CYGB: variants seen among roughly 807,000 people sequenced by gnomAD.
CYGB encodes cytoglobin, also known as histoglobin.
CYGB carries 13 observed loss-of-function variants against 20.7 expected under a neutral mutation model. That is an observed-to-expected ratio of 0.63 (90% CI 0.41 to 1.00). The LOEUF is 1.00. Among genes scored for constraint, CYGB ranks in the 50% least tolerant of loss-of-function variants. The pLI is 0.00. For missense variants in CYGB, 218 were observed against 257.2 expected (o/e 0.85, Z 1.04); for synonymous variants, 93 against 107.4 (o/e 0.87, Z 0.83).
In CYGB at chr17:76,531,312, C is replaced by T. The variant is rs1464242114; in HGVS notation, c.375+148G>A. ...AAGGGTTGCCCTGGACCCAGCCCCT[C>T]CATCCTGCTGCCGGGCACTGCCCCT... On this transcript the variant is annotated intron_variant, in intron 2 of 3. Coordinates refer to ENST00000293230, the MANE Select transcript of CYGB (RefSeq NM_134268.5). This position sits in a 1 kb window ranked among gnomAD's most constrained non-coding sequence, Gnocchi z 7.4. The T allele has an allele frequency of 2.5e-5, 30 of 1,205,414 alleles. No homozygotes were observed. In the South Asian group the frequency reaches 4.2e-4, roughly 17 times the overall value. 74.7% of individuals were successfully genotyped at this position (1,205,414 alleles called of 1,614,324 possible).
chr17:76,539,654 C>T (rs964550292), upstream of CYGB, among the ~76,000 whole-genome samples: 1 of 152,214 alleles, frequency 6.6e-6, no homozygotes, highest in Admixed American at 6.5e-5. Flanking sequence ...GCTTTCATGT[C>T]AGTAGCTTCG....
At chr17:76,547,830 AC>A (rs2075068089) in intron 1 of CYGB, among the ~76,000 whole-genome samples, 1 of 137,710 alleles carries the variant, frequency 7.3e-6, no homozygotes, top group African/African-American at 3.3e-5. Flanking sequence ...ACACACACAC[AC>A]AACACACATT....
chr17:76,531,033 A>T lies in CYGB; in HGVS notation c.485T>A (p.Val162Glu), dbSNP rs1324552357. 3 of 1,613,420 alleles carry T rather than the reference A, an allele frequency of 1.9e-6. No homozygotes were observed. Among genetic ancestry groups the T allele is most frequent in the Non-Finnish European group, 2.5e-6 (3 of 1,179,862 alleles). The change falls in exon 3 of 4, where the codon GTG becomes GAG. Residue 162 changes from valine to glutamate, a missense_variant. Val to Glu is a moderately radical substitution (Grantham distance 121, BLOSUM62 -2). Coordinates refer to ENST00000293230, the MANE Select transcript of CYGB (RefSeq NM_134268.5). This position sits in a 1 kb window ranked among gnomAD's most constrained non-coding sequence, Gnocchi z 7.4. ...GCCCACTTCCTTGTAGGCAGCGGTC[A>T]CGTGGCTGTAGATGAGGCCACGCAG... ...AKLRGLIYSH[V>E]TAAYKEVGWV...
Position 76,528,364 on chromosome 17 carries a change from G to GC in CYGB, c.*213dup. The GC allele has an allele frequency of 2.4e-6, 1 of 417,750 alleles. No homozygotes were observed. Among genetic ancestry groups the GC allele is most frequent in the East Asian group, 3.6e-5 (1 of 28,148 alleles). The allele number at this position is 417,750 out of a possible 1,614,324, so 25.9% of individuals were successfully genotyped here. On this transcript the variant is annotated 3_prime_UTR_variant, in exon 4 of 4. Coordinates refer to ENST00000293230, the MANE Select transcript of CYGB (RefSeq NM_134268.5). This position sits in a 1 kb window ranked among gnomAD's most constrained non-coding sequence, Gnocchi z 5.8. ...AGCTAAGAAGAGTGGGCCCCGCTCT[G>GC]CCCGCCGCGCTGGGGTCAGCATCCA...
intron 1 of CYGB, among the ~76,000 whole-genome samples, chr17:76,536,295 A>G (rs2074913010): frequency 6.6e-6 from 1 of 152,088 alleles, no homozygotes; most frequent in African/African-American, 2.4e-5. Context: ...GGCTTGGGAG[A>G]GGCCACAGGG....
At position 76,530,800 on chromosome 17, in the gene CYGB, C is replaced by CTT. The variant is rs1474585411; in HGVS notation, c.539+178_539+179insAA. 2.6e-5 allele frequency among the ~76,000 whole-genome samples: 4 copies of CTT among 152,028 alleles called. No homozygotes were observed. The highest frequency in any genetic ancestry group is 9.7e-5 in the African/African-American group (4 of 41,346). ...TGAGCAGCCTGAAGTCACAGGGGAG[C>CTT]CATCTTGAAGGCCTTTCCTATTATG... is the stretch of plus-strand genomic sequence containing the variant. On this transcript the variant is annotated intron_variant, in intron 3 of 3. Transcript: ENST00000293230. This position sits in a 1 kb window ranked among gnomAD's most constrained non-coding sequence, Gnocchi z 6.1.
chr17:76,531,234 A>G lies in CYGB; in HGVS notation c.376-92T>C. On this transcript the variant is annotated intron_variant, in intron 2 of 3. Transcript: ENST00000293230. The surrounding 1 kb of genome is among the most constrained non-coding windows in gnomAD (Gnocchi z 7.4). The stretch of plus-strand genomic sequence containing the variant: ...CTCCGCCCCACGTGTGGCCGAGAGG[A>G]TCATTCCTAACGCAACAGTCTGGCA... The G allele has an allele frequency of 7.2e-7, 1 of 1,395,922 alleles. No homozygotes were observed. 86.5% of individuals were successfully genotyped at this position (1,395,922 alleles called of 1,614,324 possible). A position where few individuals can be genotyped will look rare whatever the true frequency, so the allele number is the denominator to read the frequency against.
chr17:76,539,961 TA>T, upstream of CYGB: 2 of 641,248 alleles, frequency 3.1e-6, no homozygotes, highest in Non-Finnish European at 5.5e-6. Context: ...CCAGTGAGCT[TA>T]ATCAGTCCTC....
At position 76,537,676 on chromosome 17, in the gene CYGB, G is replaced by T; in HGVS notation, c.-134C>A. The T allele has an allele frequency of 1.2e-6, 1 of 821,176 alleles. No individual in the cohort carries two copies. Among genetic ancestry groups the T allele is most frequent in the Non-Finnish European group, 1.5e-6 (1 of 681,136 alleles). The allele number at this position is 821,176 out of a possible 1,614,324, so 50.9% of individuals were successfully genotyped here. On this transcript the variant is annotated 5_prime_UTR_variant, in exon 1 of 4. Transcript: ENST00000293230. ...GGCGAGGGGTAGAGCGCGGAGGGAG[G>T]GAGCGTGTGTCTGTGCGCGCCGGGT...
chr17:76,541,263 G>C (rs2143151953), upstream of CYGB, among the ~76,000 whole-genome samples: 2 of 152,336 alleles, frequency 1.3e-5, no homozygotes, highest in South Asian at 2.1e-4. Flanking sequence ...CCATGCATGA[G>C]GGGTTCCTTC....
upstream of CYGB, chr17:76,542,673 G>A: frequency 7.4e-7 from 1 of 1,344,968 alleles, no homozygotes; most frequent in Non-Finnish European, 1.1e-6. Context: ...AGAGGGCAAG[G>A]CTTGGGACAG....
At chr17:76,537,976 G>A (rs1567909568), upstream of CYGB, 1 of 151,236 alleles carries the variant, frequency 6.6e-6, no homozygotes, top group Non-Finnish European at 1.5e-5. Context: ...GGGGGTCCCG[G>A]GAGGAATGGG....
upstream of CYGB, chr17:76,540,270 G>GGGGGGGGGGGGGGGGGGGGGC: frequency 9.7e-7 from 1 of 1,026,284 alleles, no homozygotes; most frequent in Non-Finnish European, 1.5e-6. This position sits in a 1 kb window ranked among gnomAD's most constrained non-coding sequence, Gnocchi z 5.0. Context: ...GGGGCATGGG[G>GGGGGGGGGGGGGGGGGGGGGC]CTGGGCTGCC....
At chr17:76,540,529 A>G (rs760532713), upstream of CYGB, 1 of 1,613,536 alleles carries the variant, frequency 6.2e-7, no homozygotes, top group Admixed American at 1.7e-5. This position sits in a 1 kb window ranked among gnomAD's most constrained non-coding sequence, Gnocchi z 5.0. Flanking sequence ...TGGATGGGGC[A>G]GCTAGGGGCA....
At chr17:76,543,935 A>G (rs530722974) in intron 1 of CYGB, 2 of 469,962 alleles carry the variant, frequency 4.3e-6, no homozygotes, top group South Asian at 1.5e-5. Context: ...TGTTTTCTGT[A>G]TGTGTGCAAG....
Position 76,533,083 on chromosome 17 carries a change from C to T in CYGB, c.144-1392G>A, listed in dbSNP as rs923195584. Among the ~76,000 whole-genome samples, 5 of 152,144 alleles carry T rather than the reference C, an allele frequency of 3.3e-5. No homozygotes were observed. The highest frequency in any genetic ancestry group is 6.5e-5 in the Admixed American group (1 of 15,278). ...TCAGATGTGAGGGCTGGAACAGATG[C>T]GGAGAGGGCATCTGGCCGGGTCATC... On this transcript the variant is annotated intron_variant, in intron 1 of 3. Transcript: ENST00000293230. This position sits in a 1 kb window ranked among gnomAD's most constrained non-coding sequence, Gnocchi z 4.5.
Position 76,531,161 on chromosome 17 carries a change from AG to A in CYGB, c.376-20del. On this transcript the variant is annotated intron_variant, in intron 2 of 3. Coordinates refer to ENST00000293230, the MANE Select transcript of CYGB (RefSeq NM_134268.5). The surrounding 1 kb of genome is among the most constrained non-coding windows in gnomAD (Gnocchi z 7.4). Reference sequence around the variant, plus strand: ...AGAGGATCTGGGGGCAAAGGGAGGAAGGGGGAGTGAACGCCCGGGCGCCCTG... The same window carrying A: ...AGAGGATCTGGGGGCAAAGGGAGGAAGGGGAGTGAACGCCCGGGCGCCCTG... The A allele has an allele frequency of 6.2e-7, 1 of 1,607,330 alleles. No individual in the cohort carries two copies. Among genetic ancestry groups the A allele is most frequent in the South Asian group, 1.1e-5 (1 of 90,896 alleles).
Position 76,528,429 on chromosome 17 carries a change from C to T in CYGB, c.*149G>A. ...CCTCCCAGCAGCTCCAGGGGGGGAC[C>T]CTGGCCGCCACAGAGGCCTCCTTCG... On this transcript the variant is annotated 3_prime_UTR_variant, in exon 4 of 4. Transcript: ENST00000293230. This position sits in a 1 kb window ranked among gnomAD's most constrained non-coding sequence, Gnocchi z 5.8. The T allele has an allele frequency of 2.1e-5, 15 of 724,112 alleles. No homozygotes were observed. The highest frequency in any genetic ancestry group is 2.7e-5 in the Non-Finnish European group (14 of 514,728). The allele number at this position is 724,112 out of a possible 1,614,324, so 44.9% of individuals were successfully genotyped here.
At chr17:76,545,046 C>T (rs747193845) in intron 1 of CYGB, 39 of 436,616 alleles carry the variant, frequency 8.9e-5, no homozygotes, top group Non-Finnish European at 1.6e-4. Flanking sequence ...GCTGGGGTGC[C>T]ATGTGGGCCG....
Sources: allele counts gnomAD v4.1 joint callset (sites outside exome capture counted in the v4.1 genomes callset), GRCh38; gene constraint gnomAD v4.1.1; non-coding constraint Gnocchi (gnomAD v3.1); transcripts MANE v1.5; gene names NCBI Gene and HGNC (gene_info 2026-07-23, HGNC 2026-07-21).